FMN2: variants seen among roughly 807,000 people sequenced by gnomAD.
FMN2 encodes formin-2.
A neutral mutation model predicts 142.3 loss-of-function variants in FMN2; 51 were observed. That is an observed-to-expected ratio of 0.36 (90% CI 0.29 to 0.45). FMN2 has a LOEUF of 0.45. Among genes scored for constraint, FMN2 ranks in the 20% least tolerant of loss-of-function variants. The pLI is 1.00. For synonymous variants in FMN2, 882 were observed against 869.8 expected, an observed-to-expected ratio of 1.01 and a Z score of -0.25; for missense variants, 1,936 against 2,122.8, an observed-to-expected ratio of 0.91 and a Z score of 1.73.
At chr1:240,334,047 A>G in intron 12 of FMN2, 62 bp from the exon 13 acceptor site, 2 of 1,570,868 alleles carry the variant, frequency 1.3e-6, no homozygotes, top group Non-Finnish European at 1.7e-6. Context: ...CATACCTGCT[A>G]TTATTCTTTT....
chr1:240,255,874 T>TGATGAGAATAGGTTATAATGC, intron 6 of FMN2, among the ~76,000 whole-genome samples: 1 of 152,194 alleles, frequency 6.6e-6, no homozygotes, highest in South Asian at 2.1e-4. Context: ...GGTTATAATG[T>TGATGAGAATAGGTTATAATGC]GATGAGAATA....
chr1:240,185,353 AGAACTCC>A, intron 3 of FMN2, among the ~76,000 whole-genome samples: 1 of 152,260 alleles, frequency 6.6e-6, no homozygotes, highest in East Asian at 1.9e-4. Flanking sequence ...TTGACCCTCT[AGAACTCC>A]TATTTTCCAG....
chr1:240,361,178 TATATATAA>T lies in FMN2; in HGVS notation c.4858+5272_4858+5279del, dbSNP rs1194634368. Among the ~76,000 whole-genome samples the T allele has an allele frequency of 2.0e-4, 20 of 97,826 alleles. 1 individual carries two copies. Among genetic ancestry groups the T allele is most frequent in the African/African-American group, 7.6e-4 (20 of 26,316 alleles). 64.2% of individuals were successfully genotyped at this position (97,826 alleles called of 152,430 possible). ...ATATATATATATATATATATATATA[TATATATAA>T]AAGAGTTTAAAGAAGGAAAAAAACA... is the stretch of plus-strand genomic sequence containing the variant. On this transcript the variant is annotated intron_variant, in intron 14 of 17. Coordinates refer to ENST00000319653, the MANE Select transcript of FMN2 (RefSeq NM_020066.5).
At chr1:240,254,361 C>G (rs1456671342) in intron 6 of FMN2, among the ~76,000 whole-genome samples, 2 of 151,744 alleles carry the variant, frequency 1.3e-5, no homozygotes, top group Non-Finnish European at 2.9e-5. Context: ...GTCCTCAGGC[C>G]CTCAGAAGGA....
intron 15 of FMN2, among the ~76,000 whole-genome samples, chr1:240,433,374 G>A (rs192157780): frequency 1.3e-4 from 20 of 152,268 alleles, no homozygotes; most frequent in South Asian, 1.2e-3. Context: ...AAATAGATGC[G>A]CGAGGAAAAC....
chr1:240,328,167 A>AAAAAAAAAAAAAAAAAAAAAG (rs1558435720), intron 8 of FMN2, among the ~76,000 whole-genome samples: 2 of 141,158 alleles, frequency 1.4e-5, no homozygotes, highest in Admixed American at 7.0e-5. Context: ...AAAAAAAAAA[A>AAAAAAAAAAAAAAAAAAAAAG]AAAAAGAAAA....
At chr1:240,097,376 GAC>G (rs1661238721) in intron 1 of FMN2, among the ~76,000 whole-genome samples, 1 of 142,004 alleles carries the variant, frequency 7.0e-6, no homozygotes, top group African/African-American at 2.6e-5. Context: ...TTTTTTTTGA[GAC>G]AGAGTCTCGC....
In FMN2 at chr1:240,296,982, G is replaced by A. The variant is rs74151609; in HGVS notation, c.4215+2099G>A. Among the ~76,000 whole-genome samples the A allele has an allele frequency of 3.1e-3, 469 of 152,290 alleles. 3 individuals are homozygous for A. The highest frequency in any genetic ancestry group is 0.011 in the African/African-American group (444 of 41,558). On this transcript the variant is annotated intron_variant, in intron 8 of 17. Coordinates refer to ENST00000319653, the MANE Select transcript of FMN2 (RefSeq NM_020066.5). ...TAAAATATAACCATTGGGAGGTACA[G>A]AGAGTTTTCATTTCTCTTGAGTCTT... is the stretch of plus-strand genomic sequence containing the variant.
Position 240,272,737 on chromosome 1 carries a change from A to G in FMN2, c.4153+14705A>G, listed in dbSNP as rs532872039. Among the ~76,000 whole-genome samples, 29 of 152,304 alleles carry G rather than the reference A, an allele frequency of 1.9e-4. 1 individual carries two copies. Among genetic ancestry groups the G allele is most frequent in the South Asian group, 1.2e-3 (6 of 4,832 alleles). ...AGTGTGCCGAGACATCAGCTAAAAC[A>G]TCAAAGTCATGTGATGACATGTTAT... On this transcript the variant is annotated intron_variant, in intron 7 of 17. Transcript: ENST00000319653.
chr1:240,135,644 C>A (rs1351684274), intron 2 of FMN2, among the ~76,000 whole-genome samples: 1 of 150,040 alleles, frequency 6.7e-6, no homozygotes, highest in Non-Finnish European at 1.5e-5. Flanking sequence ...TGTTAATTCT[C>A]TGGAATCTAT....
intron 4 of FMN2, among the ~76,000 whole-genome samples, chr1:240,202,996 A>C (rs1377441169): frequency 6.6e-6 from 1 of 152,212 alleles, no homozygotes; most frequent in Non-Finnish European, 1.5e-5. Flanking sequence ...ATGTACCAGC[A>C]TAACTCAAGA....
chr1:240,282,880 G>T (rs1274004664), intron 7 of FMN2, among the ~76,000 whole-genome samples: 1 of 152,130 alleles, frequency 6.6e-6, no homozygotes, highest in Non-Finnish European at 1.5e-5. Flanking sequence ...AAGTTGCTTG[G>T]CTACCTCTTT....
intron 8 of FMN2, among the ~76,000 whole-genome samples, chr1:240,310,115 G>A (rs995127315): frequency 6.6e-6 from 1 of 151,998 alleles, no homozygotes; most frequent in Non-Finnish European, 1.5e-5. Context: ...ACATTTGAGG[G>A]TACATGTGAA....
At chr1:240,176,680 A>G (rs1199960084) in intron 2 of FMN2, among the ~76,000 whole-genome samples, 8 of 152,322 alleles carry the variant, frequency 5.3e-5, no homozygotes, top group South Asian at 2.1e-4. Flanking sequence ...AATTTCACCA[A>G]TGAAAAACTA....
At chr1:240,236,592 G>A (rs942906633) in intron 6 of FMN2, among the ~76,000 whole-genome samples, 3 of 152,194 alleles carry the variant, frequency 2.0e-5, no homozygotes, top group Non-Finnish European at 4.4e-5. Context: ...CTTCTGCCAT[G>A]AAGGTTTTAC....
intron 2 of FMN2, among the ~76,000 whole-genome samples, chr1:240,139,510 C>T (rs987014001): frequency 5.3e-5 from 8 of 151,390 alleles, no homozygotes; most frequent in African/African-American, 1.2e-4. Context: ...AAGAGACTGA[C>T]GTATAGATAA....
At chr1:240,105,158 G>T (rs1558297359) in intron 1 of FMN2, among the ~76,000 whole-genome samples, 1 of 141,274 alleles carries the variant, frequency 7.1e-6, no homozygotes, top group Admixed American at 7.5e-5. Context: ...GCCCAGGCTG[G>T]AGTGCCGTGG....
chr1:240,317,197 T>C (rs1670814485), intron 8 of FMN2, among the ~76,000 whole-genome samples: 2 of 152,188 alleles, frequency 1.3e-5, no homozygotes, highest in African/African-American at 4.8e-5. Context: ...GCACCTGTAG[T>C]CCTAGCTGCT....
intron 7 of FMN2, among the ~76,000 whole-genome samples, chr1:240,271,078 CCT>C (rs1485407877): frequency 2.4e-5 from 3 of 125,226 alleles, no homozygotes; most frequent in Non-Finnish European, 5.0e-5. Flanking sequence ...CTTTGACCCC[CCT>C]AGGAACTTTC....
Sources: allele counts gnomAD v4.1 joint callset (sites outside exome capture counted in the v4.1 genomes callset), GRCh38; gene constraint gnomAD v4.1.1; transcripts MANE v1.5; gene names NCBI Gene and HGNC (gene_info 2026-07-23, HGNC 2026-07-21).